The following USP37 variants were observed in gnomAD, a reference collection of about 807,000 sequenced individuals.
USP37 encodes ubiquitin specific peptidase 37, also known as ubiquitin carboxyl-terminal hydrolase 37.
USP37 carries 27 observed loss-of-function variants against 124.0 expected under a neutral mutation model. The ratio of observed to expected loss-of-function variants is 0.22; its 90% CI spans 0.16 to 0.30. USP37 has a LOEUF of 0.30. Ranked by LOEUF, USP37 falls within the 10% of genes least tolerant of loss-of-function variation. USP37 has a pLI of 1.00. For synonymous variants in USP37, 365 were observed against 388.0 expected, an observed-to-expected ratio of 0.94 and a Z score of 0.70; for missense variants, 889 against 1,140.4, an observed-to-expected ratio of 0.78 and a Z score of 3.17.
At chr2:218,538,946 A>T (rs1334759841) in intron 8 of USP37, among the ~76,000 whole-genome samples, 1 of 152,038 alleles carries the variant, frequency 6.6e-6, no homozygotes, top group Non-Finnish European at 1.5e-5. Flanking sequence ...CATGTCTTCC[A>T]CTCACAAATT....
chr2:218,533,268 A>G (rs931609106), intron 9 of USP37, among the ~76,000 whole-genome samples: 29 of 152,148 alleles, frequency 1.9e-4, no homozygotes, highest in Non-Finnish European at 4.1e-4. Context: ...CAACAGTGCT[A>G]ATAACATTTC....
At chr2:218,555,134 T>A (rs1692892318) in intron 4 of USP37, among the ~76,000 whole-genome samples, 1 of 152,194 alleles carries the variant, frequency 6.6e-6, no homozygotes, top group African/African-American at 2.4e-5. Context: ...AATTAGTAAA[T>A]CTTACAGTTT....
chr2:218,469,762 T>G (rs1690567113), intron 20 of USP37, among the ~76,000 whole-genome samples: 1 of 151,992 alleles, frequency 6.6e-6, no homozygotes, highest in East Asian at 1.9e-4. Context: ...ATAATCCACT[T>G]TTAAGGACTG....
intron 10 of USP37, among the ~76,000 whole-genome samples, chr2:218,529,487 A>G (rs906968169): frequency 6.6e-6 from 1 of 151,882 alleles, no homozygotes; most frequent in African/African-American, 2.4e-5. Context: ...CAAAAAAAAA[A>G]AAAAAAAAAA....
At chr2:218,517,856 TTA>T (rs1232667684) in intron 10 of USP37, among the ~76,000 whole-genome samples, 1 of 152,204 alleles carries the variant, frequency 6.6e-6, no homozygotes, top group Non-Finnish European at 1.5e-5. Context: ...TTTAACTATA[TTA>T]TGTCTCTTAA....
intron 14 of USP37, among the ~76,000 whole-genome samples, chr2:218,489,775 G>A (rs1181506028): frequency 6.6e-6 from 1 of 152,048 alleles, no homozygotes; most frequent in African/African-American, 2.4e-5. Flanking sequence ...ACCACACCTG[G>A]TCCCAAAAGA....
intron 16 of USP37, among the ~76,000 whole-genome samples, chr2:218,485,217 C>T (rs1195955204): frequency 1.3e-5 from 2 of 152,120 alleles, no homozygotes; most frequent in Non-Finnish European, 2.9e-5. Context: ...ATAATTATTC[C>T]AAAGTCTCAG....
intron 8 of USP37, among the ~76,000 whole-genome samples, chr2:218,536,920 G>A (rs536365852): frequency 3.3e-5 from 5 of 152,250 alleles, no homozygotes; most frequent in South Asian, 2.1e-4. Context: ...GGTGAATTAG[G>A]ATGAAATAAG....
At chr2:218,539,616 G>T (rs762439055) in intron 8 of USP37, among the ~76,000 whole-genome samples, 4 of 152,110 alleles carry the variant, frequency 2.6e-5, no homozygotes, top group Non-Finnish European at 4.4e-5. Context: ...CTGGGAGGCT[G>T]AGGTGGAAGG....
chr2:218,485,278 T>C, intron 16 of USP37, among the ~76,000 whole-genome samples: 1 of 152,180 alleles, frequency 6.6e-6, no homozygotes, highest in Admixed American at 6.6e-5. Context: ...ACCCTTTTTC[T>C]CTTCAATATT....
At chr2:218,502,366 A>G (rs1234175614) in intron 11 of USP37, among the ~76,000 whole-genome samples, 1 of 152,192 alleles carries the variant, frequency 6.6e-6, no homozygotes, top group Non-Finnish European at 1.5e-5. Flanking sequence ...CATATTAGAC[A>G]CTGTAGAAGG....
At chr2:218,465,484 AC>A (rs1690262539) in intron 21 of USP37, among the ~76,000 whole-genome samples, 1 of 152,334 alleles carries the variant, frequency 6.6e-6, no homozygotes, top group African/African-American at 2.4e-5. Context: ...AATCTATAAT[AC>A]CCCATCCTGT....
At chr2:218,544,422 T>TAG (rs1262801588) in intron 8 of USP37, among the ~76,000 whole-genome samples, 90 of 56,314 alleles carry the variant, frequency 1.6e-3, no homozygotes, top group Middle Eastern at 9.6e-3. Context: ...TATATATATA[T>TAG]ATATATATAG....
chr2:218,560,376 T>C (rs1156662984), intron 3 of USP37, among the ~76,000 whole-genome samples: 3 of 152,206 alleles, frequency 2.0e-5, no homozygotes, highest in Non-Finnish European at 4.4e-5. Context: ...TAACTTACCT[T>C]CTTTAACCAT....
Position 218,495,756 on chromosome 2 carries a change from T to G in USP37, c.1472+4A>C. 6.2e-7 allele frequency: 1 copy of G among 1,606,706 alleles called. No individual in the cohort carries two copies. The highest frequency in any genetic ancestry group is 8.5e-7 in the Non-Finnish European group (1 of 1,178,178). ...AGGGAAATCATTTCTTAGACACTAC[T>G]TACGCTTTACAAATGATGGAGTGCT... is the stretch of plus-strand genomic sequence containing the variant. On this transcript the variant is annotated splice_donor_region_variant and intron_variant, in intron 14 of 25. Coordinates refer to ENST00000258399, the MANE Select transcript of USP37 (RefSeq NM_020935.3).
At chr2:218,462,414 T>C (rs1690065226) in intron 22 of USP37, among the ~76,000 whole-genome samples, 1 of 152,118 alleles carries the variant, frequency 6.6e-6, no homozygotes, top group Admixed American at 6.6e-5. Context: ...AAAATAAAGA[T>C]TAGGTAAAAG....
intron 11 of USP37, among the ~76,000 whole-genome samples, chr2:218,509,522 G>A (rs955362024): frequency 6.6e-6 from 1 of 152,034 alleles, no homozygotes; most frequent in Admixed American, 6.6e-5. Flanking sequence ...GCTGAGGAGG[G>A]AGGACTGCTT....
intron 10 of USP37, among the ~76,000 whole-genome samples, chr2:218,527,445 T>C (rs1691042953): frequency 6.6e-6 from 1 of 152,246 alleles, no homozygotes; most frequent in Non-Finnish European, 1.5e-5. Flanking sequence ...AATCTCGTGC[T>C]GGTTTGAAGT....
chr2:218,529,576 G>A (rs987323126), intron 10 of USP37, among the ~76,000 whole-genome samples: 4 of 151,958 alleles, frequency 2.6e-5, no homozygotes, highest in Non-Finnish European at 4.4e-5. Flanking sequence ...TGGGAGGATC[G>A]TTTCAAGTCA....
Sources: allele counts gnomAD v4.1 joint callset (sites outside exome capture counted in the v4.1 genomes callset), GRCh38; gene constraint gnomAD v4.1.1; transcripts MANE v1.5; gene names NCBI Gene and HGNC (gene_info 2026-07-23, HGNC 2026-07-21).